The following ASB15 variants were observed in gnomAD, a reference collection of about 807,000 sequenced individuals.
The protein encoded by ASB15 is ankyrin repeat and SOCS box protein 15.
A neutral mutation model predicts 58.0 loss-of-function variants in ASB15; 54 were observed. The observed-to-expected ratio is 0.93, with a 90% CI of 0.75 to 1.17. ASB15 has a LOEUF of 1.17. Among genes scored for constraint, ASB15 ranks in the 50% most tolerant of loss-of-function variants. ASB15 has a pLI of 0.00. For missense variants in ASB15, 680 were observed against 707.4 expected (o/e 0.96, Z 0.44); for synonymous variants, 249 against 262.4 (o/e 0.95, Z 0.50).
rs536173278 is a variant in ASB15, at chr7:123,619,478, T to C, written c.451+1741T>C. On this transcript the variant is annotated intron_variant, in intron 7 of 11. Coordinates refer to ENST00000451215, the MANE Select transcript of ASB15 (RefSeq NM_001290258.2). ...TTCTGCCCCGATACAGTTTGCTCAG[T>C]GAAGAGGGTCTCCACGGCACGGTGT... 3.9e-5 allele frequency among the ~76,000 whole-genome samples: 6 copies of C among 152,256 alleles called. No homozygotes were observed. The South Asian group carries it at 1.2e-3, about 32-fold the overall frequency.
chr7:123,602,950 C>T (rs1346424489), intron 1 of ASB15, among the ~76,000 whole-genome samples: 1 of 152,122 alleles, frequency 6.6e-6, no homozygotes, highest in African/African-American at 2.4e-5. Context: ...TGACTCTGTG[C>T]TTCAGTTTTC....
At chr7:123,591,656 A>T (rs1049151596) in intron 1 of ASB15, among the ~76,000 whole-genome samples, 1 of 152,128 alleles carries the variant, frequency 6.6e-6, no homozygotes, top group Non-Finnish European at 1.5e-5. Context: ...AGCCAACTTG[A>T]TCGTGGTGGA....
Position 123,633,651 on chromosome 7 carries a change from G to A in ASB15, c.1595-3158G>A, listed in dbSNP as rs532749887. Reference sequence around the variant, plus strand: ...TGTGTGTGCACGCGCGCGCACGTGCGTCTGTTTACAGATAAGTCTTAGAAA... The same window carrying A: ...TGTGTGTGCACGCGCGCGCACGTGCATCTGTTTACAGATAAGTCTTAGAAA... On this transcript the variant is annotated intron_variant, in intron 11 of 11. Coordinates refer to ENST00000451215, the MANE Select transcript of ASB15 (RefSeq NM_001290258.2). Among the ~76,000 whole-genome samples the A allele has an allele frequency of 3.5e-4, 54 of 152,286 alleles. No individual in the cohort carries two copies. In the South Asian group the frequency reaches 4.3e-3, roughly 12 times the overall value.
At chr7:123,578,665 C>T (rs1022539409) in intron 1 of ASB15, among the ~76,000 whole-genome samples, 39 of 151,958 alleles carry the variant, frequency 2.6e-4, no homozygotes, top group African/African-American at 8.9e-4. Flanking sequence ...TGCTGTTTAC[C>T]ACAGCAATTT....
At chr7:123,609,663 A>G (rs1800332174) in intron 3 of ASB15, among the ~76,000 whole-genome samples, 1 of 152,220 alleles carries the variant, frequency 6.6e-6, no homozygotes, top group East Asian at 1.9e-4. Flanking sequence ...ACTAAACAAT[A>G]CATGAGGAAG....
intron 11 of ASB15, among the ~76,000 whole-genome samples, chr7:123,632,149 TA>T (rs1318062045): frequency 6.6e-6 from 1 of 151,716 alleles, no homozygotes; most frequent in Non-Finnish European, 1.5e-5. Context: ...ATACATAACT[TA>T]AAAAATGCAA....
In ASB15 at chr7:123,632,575, T is replaced by TAC. The variant is rs146189500; in HGVS notation, c.1594+2457_1594+2458dup. ...AGCAGTGTACACTGTACCCAATGTG[T>TAC]ACTCTTTTATCCCTGACCCACCCTT... is the stretch of plus-strand genomic sequence containing the variant. On this transcript the variant is annotated intron_variant, in intron 11 of 11. Transcript: ENST00000451215. Among the ~76,000 whole-genome samples the TAC allele has an allele frequency of 5.9e-3, 891 of 152,302 alleles. 11 individuals are homozygous for TAC. Among genetic ancestry groups the TAC allele is most frequent in the African/African-American group, 0.02 (851 of 41,552 alleles).
chr7:123,575,595 A>G (rs116721394), intron 1 of ASB15, among the ~76,000 whole-genome samples: 9 of 152,034 alleles, frequency 5.9e-5, no homozygotes, highest in African/African-American at 2.2e-4. Flanking sequence ...AATGTTCCCT[A>G]CTACTCCATT....
chr7:123,574,601 C>T (rs805778), intron 1 of ASB15, among the ~76,000 whole-genome samples: 110,453 of 152,028 alleles, frequency 0.73, 40,269 homozygotes, highest in African/African-American at 0.8. Flanking sequence ...CCATTTCCTA[C>T]TGCCAGTAGC....
intron 1 of ASB15, among the ~76,000 whole-genome samples, chr7:123,591,205 A>G (rs1423048363): frequency 6.6e-6 from 1 of 152,220 alleles, no homozygotes; most frequent in Non-Finnish European, 1.5e-5. Flanking sequence ...TTGGGCTGAG[A>G]CAATGGGATT....
intron 1 of ASB15, among the ~76,000 whole-genome samples, chr7:123,576,112 G>A (rs1380589779): frequency 6.6e-6 from 1 of 150,698 alleles, no homozygotes; most frequent in Non-Finnish European, 1.5e-5. Context: ...TTATCCTTAA[G>A]ACTTTCTTTA....
chr7:123,606,610 C>A (rs1800159325), intron 2 of ASB15, among the ~76,000 whole-genome samples: 1 of 152,146 alleles, frequency 6.6e-6, no homozygotes, highest in African/African-American at 2.4e-5. Flanking sequence ...GAAATTTGTA[C>A]CCCTTGGCCA....
At chr7:123,586,342 C>G (rs896208214) in intron 1 of ASB15, among the ~76,000 whole-genome samples, 1 of 151,712 alleles carries the variant, frequency 6.6e-6, no homozygotes, top group Non-Finnish European at 1.5e-5. Context: ...ATGTTGAGGA[C>G]CTTTTCACTC....
At chr7:123,600,133 A>T (rs1165838190), upstream of ASB15, among the ~76,000 whole-genome samples, 1 of 152,202 alleles carries the variant, frequency 6.6e-6, no homozygotes, top group Non-Finnish European at 1.5e-5. Flanking sequence ...TTGTATCATC[A>T]TCATCATCAT....
At chr7:123,636,785 G>T (rs1437591918) in intron 11 of ASB15, 24 bp from the exon 12 acceptor site, 3 of 1,579,638 alleles carry the variant, frequency 1.9e-6, no homozygotes, top group Non-Finnish European at 2.6e-6. Flanking sequence ...AAATTTTTTT[G>T]CTTATTTTCC....
chr7:123,587,604 G>T (rs976403227), intron 1 of ASB15, among the ~76,000 whole-genome samples: 6 of 151,530 alleles, frequency 4.0e-5, no homozygotes, highest in Admixed American at 2.0e-4. Flanking sequence ...ACGAGAGAAG[G>T]CTTCCTTGTC....
intron 1 of ASB15, among the ~76,000 whole-genome samples, chr7:123,572,131 CTTTTTTTTTTTTTTT>C (rs61198371): frequency 6.3e-5 from 3 of 47,978 alleles, no homozygotes; most frequent in South Asian, 1.1e-3. Context: ...TGTAGAATTT[CTTTTTTTTTTTTTTT>C]TTTTTTTTTT....
rs1322332302 is a variant in ASB15, at chr7:123,616,479, T to G, written c.276T>G (p.Leu92=). 1 of 1,612,672 alleles carries G rather than the reference T, an allele frequency of 6.2e-7. No homozygotes were observed. Among genetic ancestry groups the G allele is most frequent in the South Asian group, 1.1e-5 (1 of 90,920 alleles). ...EAVVQPIQQI[L]EIVLDASYKT... is the part of the protein sequence containing the mutation. The stretch of plus-strand genomic sequence containing the variant: ...TTGTTCAACCCATTCAACAAATACT[T>G]GAGATTGTTCTGGATGGTAAGAGAA... The change falls in exon 6 of 12, where the codon CTT becomes CTG. Residue 92 remains leucine (L), a synonymous_variant. Coordinates refer to ENST00000451215, the MANE Select transcript of ASB15 (RefSeq NM_001290258.2).
At position 123,612,399 on chromosome 7, in the gene ASB15, A is replaced by C. The variant is rs542186058; in HGVS notation, c.-2-2102A>C. 2.0e-5 allele frequency: 3 copies of C among 152,368 alleles called. No homozygotes were observed. In the South Asian group the frequency reaches 6.2e-4, roughly 32 times the overall value. 9.4% of individuals were successfully genotyped at this position (152,368 alleles called of 1,614,324 possible). ...ATGGTCCAAGTGAAAACACAAACAC[A>C]AGTATGTAAATAACTTGTAAAGCAA... On this transcript the variant is annotated intron_variant, in intron 3 of 11. Coordinates refer to ENST00000451215, the MANE Select transcript of ASB15 (RefSeq NM_001290258.2).
Sources: gnomAD v4.1 joint callset for allele counts (sites outside exome capture counted in the v4.1 genomes callset) on GRCh38, gnomAD v4.1.1 for gene constraint, MANE v1.5 for transcripts, NCBI Gene and HGNC (gene_info 2026-07-23, HGNC 2026-07-21) for gene names.